The following ST6GALNAC2 variants were observed in gnomAD, a reference collection of about 807,000 sequenced individuals.
ST6GALNAC2 encodes the protein ST6 N-acetylgalactosaminide alpha-2,6-sialyltransferase 2, also known as alpha-N-acetylgalactosaminide alpha-2,6-sialyltransferase 2.
ST6GALNAC2 carries 42 observed loss-of-function variants against 38.7 expected under a neutral mutation model. The observed-to-expected ratio is 1.09, with a 90% CI of 0.85 to 1.40. The LOEUF (loss-of-function observed/expected upper bound fraction) is 1.40, where lower values mean the gene tolerates loss of function less well. Among genes scored for constraint, ST6GALNAC2 ranks in the 40% most tolerant of loss-of-function variants. The pLI is 0.00. For synonymous variants in ST6GALNAC2, 233 were observed against 209.0 expected, an observed-to-expected ratio of 1.11 and a Z score of -0.99; for missense variants, 506 against 481.7, an observed-to-expected ratio of 1.05 and a Z score of -0.47.
intron 1 of ST6GALNAC2, among the ~76,000 whole-genome samples, chr17:76,581,339 A>G (rs2075472797): frequency 1.3e-5 from 2 of 150,202 alleles, no homozygotes; most frequent in Non-Finnish European, 3.0e-5. Flanking sequence ...GCCTATGAGA[A>G]CCCCCAGGGA....
chr17:76,580,113 G>C (rs1322305856), intron 1 of ST6GALNAC2, among the ~76,000 whole-genome samples: 1 of 152,140 alleles, frequency 6.6e-6, no homozygotes, highest in Non-Finnish European at 1.5e-5. Flanking sequence ...CTGTATGTTA[G>C]CACATATAAA....
At chr17:76,578,160 C>A (rs1411802103) in intron 2 of ST6GALNAC2, among the ~76,000 whole-genome samples, 1 of 152,102 alleles carries the variant, frequency 6.6e-6, no homozygotes, top group East Asian at 1.9e-4. Context: ...GAGCCAGGTT[C>A]CAGACAAGAG....
chr17:76,576,457 A>C (rs1278483738), intron 2 of ST6GALNAC2, among the ~76,000 whole-genome samples: 1 of 152,168 alleles, frequency 6.6e-6, no homozygotes, highest in Non-Finnish European at 1.5e-5. Context: ...GGAAGGGGGC[A>C]GTTTGTGTGA....
chr17:76,576,723 C>T (rs2075419791), intron 2 of ST6GALNAC2, among the ~76,000 whole-genome samples: 1 of 152,106 alleles, frequency 6.6e-6, no homozygotes, highest in Non-Finnish European at 1.5e-5. Flanking sequence ...ATAATCCCAG[C>T]ACTTTGGGAA....
At chr17:76,585,108 C>T (rs1430194926) in intron 1 of ST6GALNAC2, among the ~76,000 whole-genome samples, 3 of 152,200 alleles carry the variant, frequency 2.0e-5, no homozygotes, top group Non-Finnish European at 4.4e-5. Context: ...CTCGGGCGCC[C>T]GCCTCTTCGC....
At position 76,574,526 on chromosome 17, in the gene ST6GALNAC2, C is replaced by T. The variant is rs773245960; in HGVS notation, c.200G>A (p.Arg67Gln). The change falls in exon 3 of 9, where the codon CGA becomes CAA. Residue 67 changes from arginine to glutamine, a missense_variant. Transcript: ENST00000225276. ...NSWTGKGQAC[R>Q]HLLHLAIQRH... The stretch of plus-strand genomic sequence containing the variant: ...CTGAATGGCCAGGTGAAGCAGGTGT[C>T]GGCAGGCCTGGCCCTGTGGGTGAGA... 24 of 1,357,930 alleles carry T rather than the reference C, an allele frequency of 1.8e-5. No individual in the cohort carries two copies. The highest frequency in any genetic ancestry group is 4.2e-4 in the Middle Eastern group (2 of 4,738). 84.1% of individuals were successfully genotyped at this position (1,357,930 alleles called of 1,614,324 possible).
rs74614401 is a variant in ST6GALNAC2 at position 76,565,824 on chromosome 17, G to A, written c.*280C>T. The A allele has an allele frequency of 5.9e-3, 1,997 of 339,100 alleles. 9 individuals are homozygous for A. Among genetic ancestry groups the A allele is most frequent in the Admixed American group, 8.1e-3 (181 of 22,226 alleles). The allele number at this position is 339,100 out of a possible 1,614,324, so 21.0% of individuals were successfully genotyped here. A position where few individuals can be genotyped will look rare whatever the true frequency, so the allele number is the denominator to read the frequency against. ...GTCTGATCTTGCTGAACACTCCACC[G>A]ACATTTCCTAAAGTTGCTCAGTGCC... On this transcript the variant is annotated 3_prime_UTR_variant, in exon 9 of 9. Coordinates refer to ENST00000225276, the MANE Select transcript of ST6GALNAC2 (RefSeq NM_006456.3).
intron 2 of ST6GALNAC2, among the ~76,000 whole-genome samples, chr17:76,577,871 C>T (rs567473065): frequency 5.3e-5 from 8 of 152,148 alleles, no homozygotes; most frequent in South Asian, 2.1e-4. Flanking sequence ...CCACGTCCAG[C>T]GGCCTCTGTT....
chr17:76,568,700 C>A lies in ST6GALNAC2; in HGVS notation c.857+13G>T. 1 of 1,613,442 alleles carries A rather than the reference C, an allele frequency of 6.2e-7. No homozygotes were observed. Among genetic ancestry groups the A allele is most frequent in the Non-Finnish European group, 8.5e-7 (1 of 1,179,754 alleles). The stretch of plus-strand genomic sequence containing the variant: ...GGAAGGGGACGCTGTTCTTCAGGCA[C>A]CCCACTCCGTACCTTTCTGTCAGGT... On this transcript the variant is annotated intron_variant, in intron 7 of 8. Coordinates refer to ENST00000225276, the MANE Select transcript of ST6GALNAC2 (RefSeq NM_006456.3).
intron 1 of ST6GALNAC2, among the ~76,000 whole-genome samples, chr17:76,584,018 CAGGTGA>C (rs2075512695): frequency 1.4e-5 from 1 of 71,064 alleles, no homozygotes; most frequent in Admixed American, 1.7e-4. Flanking sequence ...CCGTGTTAGC[CAGGTGA>C]AAGCCAGGTC....
rs17513606 is a variant in ST6GALNAC2 at position 76,574,477 on chromosome 17, C to T, written c.249G>A (p.Leu83=). The part of the protein sequence containing the change: ...AIQRHPHFRG[L]FNLSIPVLLW... ...GCAGCACTGGAATGGAGAGATTGAA[C>T]AGGCCACGGAAGTGGGGGTGCCGCT... The change falls in exon 3 of 9, where the codon CTG becomes CTA. Residue 83 remains leucine, a synonymous_variant. Coordinates refer to ENST00000225276, the MANE Select transcript of ST6GALNAC2 (RefSeq NM_006456.3). 0.033 allele frequency: 53,447 copies of T among 1,613,678 alleles called. 1,025 individuals are homozygous for T. Among genetic ancestry groups the T allele is most frequent in the Non-Finnish European group, 0.039 (45,572 of 1,179,872 alleles).
Position 76,565,402 on chromosome 17 carries a change from G to GTGACATCATCCTGTTGA in ST6GALNAC2, c.*701_*702insTCAACAGGATGATGTCA, listed in dbSNP as rs2075265758. ...TATGAGGATGAAGGTTTATTACCTG[G>GTGACATCATCCTGTTGA]TGACATCATCCTGTTGGTGACAAGG... On this transcript the variant is annotated 3_prime_UTR_variant, in exon 9 of 9. Coordinates refer to ENST00000225276, the MANE Select transcript of ST6GALNAC2 (RefSeq NM_006456.3). The GTGACATCATCCTGTTGA allele has an allele frequency of 6.6e-6, 1 of 152,146 alleles. No homozygotes were observed. The highest frequency in any genetic ancestry group is 1.5e-5 in the Non-Finnish European group (1 of 68,042). 9.4% of individuals were successfully genotyped at this position (152,146 alleles called of 1,614,324 possible). A position where few individuals can be genotyped will look rare whatever the true frequency, so the allele number is the denominator to read the frequency against.
chr17:76,579,603 A>T (rs1031514095), intron 1 of ST6GALNAC2, among the ~76,000 whole-genome samples: 1 of 152,212 alleles, frequency 6.6e-6, no homozygotes, highest in African/African-American at 2.4e-5. Flanking sequence ...TGAATCCCCA[A>T]TGCAACAGTG....
intron 1 of ST6GALNAC2, among the ~76,000 whole-genome samples, chr17:76,579,287 C>T (rs1477517376): frequency 6.6e-6 from 1 of 152,234 alleles, no homozygotes; most frequent in African/African-American, 2.4e-5. Context: ...TTATGTTTTG[C>T]CTCACTGTGT....
At chr17:76,584,957 A>C (rs75762258) in intron 1 of ST6GALNAC2, among the ~76,000 whole-genome samples, 3,040 of 152,294 alleles carry the variant, frequency 0.02, 106 homozygotes, top group African/African-American at 0.069. Context: ...CAGTCACCGG[A>C]ACCACCACCT....
At chr17:76,566,456 A>G (rs2075284283) in intron 8 of ST6GALNAC2, among the ~76,000 whole-genome samples, 185 bp from the exon 9 acceptor site, 1 of 152,156 alleles carries the variant, frequency 6.6e-6, no homozygotes, top group Admixed American at 6.5e-5. Flanking sequence ...CCCACTTGGC[A>G]TAGCTGGTGA....
chr17:76,578,587 T>C (rs554919570), intron 2 of ST6GALNAC2, among the ~76,000 whole-genome samples, 169 bp downstream of exon 2: 1 of 152,134 alleles, frequency 6.6e-6, no homozygotes, highest in Admixed American at 6.5e-5. Context: ...GAAACCCTAT[T>C]GGTCAGGTCT....
intron 1 of ST6GALNAC2, among the ~76,000 whole-genome samples, chr17:76,583,481 C>T (rs540728097): frequency 7.2e-5 from 11 of 152,004 alleles, no homozygotes; most frequent in Non-Finnish European, 1.3e-4. Flanking sequence ...CACTGTACTG[C>T]AAGCCTGGGT....
chr17:76,575,368 G>T (rs764339580), intron 2 of ST6GALNAC2, among the ~76,000 whole-genome samples: 2 of 152,164 alleles, frequency 1.3e-5, no homozygotes, highest in Non-Finnish European at 2.9e-5. Context: ...TGTGACCTTA[G>T]TTGGAACTAG....
Sources: allele counts gnomAD v4.1 joint callset (sites outside exome capture counted in the v4.1 genomes callset), GRCh38; gene constraint gnomAD v4.1.1; transcripts MANE v1.5; gene names NCBI Gene and HGNC (gene_info 2026-07-23, HGNC 2026-07-21).